The following MED12L variants were observed in gnomAD, a reference collection of about 807,000 sequenced individuals.
The protein encoded by MED12L is mediator complex subunit 12L, also known as mediator of RNA polymerase II transcription subunit 12-like protein.
MED12L carries 60 observed loss-of-function variants against 281.3 expected under a neutral mutation model. That is an observed-to-expected ratio of 0.21 (90% CI 0.17 to 0.26). The LOEUF (loss-of-function observed/expected upper bound fraction) is 0.26. Ranked by LOEUF, MED12L falls within the 10% of genes least tolerant of loss-of-function variation. MED12L has a pLI of 1.00. For synonymous variants in MED12L, 974 were observed against 987.2 expected, an observed-to-expected ratio of 0.99 and a Z score of 0.25; for missense variants, 2,146 against 2,680.9, an observed-to-expected ratio of 0.80 and a Z score of 4.41.
intron 36 of MED12L, among the ~76,000 whole-genome samples, 165 bp downstream of exon 36, chr3:151,385,356 A>G (rs533234881): frequency 3.9e-5 from 6 of 152,298 alleles, no homozygotes; most frequent in African/African-American, 1.4e-4. Flanking sequence ...TATCATATAA[A>G]GAGGTCATAT....
rs1748814699 is a variant in MED12L, at chr3:151,320,081, C to T, written c.2251-29978C>T. Among the ~76,000 whole-genome samples, 4 of 152,266 alleles carry T rather than the reference C, an allele frequency of 2.6e-5. No individual in the cohort carries two copies. In the South Asian group the frequency reaches 8.3e-4, roughly 32 times the overall value. On this transcript the variant is annotated intron_variant, in intron 16 of 44. Coordinates refer to ENST00000687756, the MANE Select transcript of MED12L (RefSeq NM_001393769.1). The stretch of plus-strand genomic sequence containing the variant: ...CTTACCTTGGTTTCTAGTGGTTTCT[C>T]CATGGCATATGACTTTTTCCTCCCT...
intron 5 of MED12L, among the ~76,000 whole-genome samples, chr3:151,141,187 GT>G (rs76965310): frequency 4.0e-4 from 40 of 99,086 alleles, no homozygotes; most frequent in Admixed American, 5.4e-4. Context: ...TGTTTTTTTT[GT>G]TTTTTTTTTT....
At chr3:151,230,355 G>C (rs1472266943) in intron 16 of MED12L, among the ~76,000 whole-genome samples, 1 of 152,214 alleles carries the variant, frequency 6.6e-6, no homozygotes. Flanking sequence ...TTCAATAGAA[G>C]TCAGTCAAGT....
intron 16 of MED12L, among the ~76,000 whole-genome samples, chr3:151,259,911 T>C (rs923620574): frequency 4.6e-5 from 7 of 152,258 alleles, no homozygotes; most frequent in African/African-American, 1.7e-4. Context: ...CTTTCTGTAA[T>C]CCTTGTATTT....
intron 36 of MED12L, among the ~76,000 whole-genome samples, chr3:151,385,825 G>T (rs1338373073): frequency 1.3e-5 from 2 of 151,956 alleles, no homozygotes; most frequent in African/African-American, 4.8e-5. Context: ...ATGGACATTT[G>T]TTTTATATAA....
rs1403725845 is a variant in MED12L at position 151,276,049 on chromosome 3, T to C, written c.2251-74010T>C. Among the ~76,000 whole-genome samples, 5 of 152,188 alleles carry C rather than the reference T, an allele frequency of 3.3e-5. No individual in the cohort carries two copies. The South Asian group carries it at 1.0e-3, about 32-fold the overall frequency. On this transcript the variant is annotated intron_variant, in intron 16 of 44. Coordinates refer to ENST00000687756, the MANE Select transcript of MED12L (RefSeq NM_001393769.1). ...TGATCATATTGATGATCATAATTAA[T>C]TTATTATACAATCAAGGACACTTTT...
At chr3:151,396,517 T>C (rs1714992583) in intron 39 of MED12L, among the ~76,000 whole-genome samples, 2 of 152,120 alleles carry the variant, frequency 1.3e-5, no homozygotes, top group Admixed American at 6.5e-5. Context: ...TCCCAGCTAC[T>C]TGGGAGGCTG....
At chr3:151,181,443 G>C (rs1172891178) in intron 11 of MED12L, among the ~76,000 whole-genome samples, 1 of 151,088 alleles carries the variant, frequency 6.6e-6, no homozygotes, top group Non-Finnish European at 1.5e-5. Context: ...AAGACACAGG[G>C]TCTGGCTCTG....
intron 25 of MED12L, 31 bp downstream of exon 25, chr3:151,368,282 T>G: frequency 1.9e-6 from 3 of 1,561,536 alleles, no homozygotes; most frequent in Non-Finnish European, 2.6e-6. Context: ...TCTGATTACC[T>G]TTTCATTGGT....
At chr3:151,321,469 A>G (rs1269262464) in intron 16 of MED12L, among the ~76,000 whole-genome samples, 1 of 152,208 alleles carries the variant, frequency 6.6e-6, no homozygotes, top group East Asian at 1.9e-4. Flanking sequence ...CAGTGACATT[A>G]TGTGTATATA....
intron 4 of MED12L, among the ~76,000 whole-genome samples, chr3:151,125,269 T>C (rs936130152): frequency 1.3e-5 from 2 of 152,242 alleles, no homozygotes; most frequent in Non-Finnish European, 2.9e-5. Context: ...GTCTGCTTTC[T>C]TAATTGAGTA....
chr3:151,417,865 T>C (rs1717799683), intron 43 of MED12L, among the ~76,000 whole-genome samples: 1 of 152,210 alleles, frequency 6.6e-6, no homozygotes, highest in Non-Finnish European at 1.5e-5. Flanking sequence ...TTTACTGCAA[T>C]CTACTTCAGA....
intron 9 of MED12L, among the ~76,000 whole-genome samples, chr3:151,164,308 A>G (rs797006187): frequency 1.3e-4 from 20 of 152,178 alleles, no homozygotes; most frequent in African/African-American, 4.6e-4. Flanking sequence ...TGGTGGTTCT[A>G]ATACATGACC....
rs1753016982 is a variant in MED12L at position 151,349,959 on chromosome 3, A to C, written c.2251-100A>C. ...AGGGAGGGCGGGATGCCACCACCGCAAGCCAGCATGGAGGTGCTGTGGTCA... is the reference window on the plus strand; with the variant it reads ...AGGGAGGGCGGGATGCCACCACCGCCAGCCAGCATGGAGGTGCTGTGGTCA... On this transcript the variant is annotated intron_variant, in intron 16 of 44. Coordinates refer to ENST00000687756, the MANE Select transcript of MED12L (RefSeq NM_001393769.1). 5.4e-6 allele frequency: 6 copies of C among 1,104,850 alleles called. No individual in the cohort carries two copies. The East Asian group carries it at 1.4e-4, about 25-fold the overall frequency. 68.4% of individuals were successfully genotyped at this position (1,104,850 alleles called of 1,614,324 possible).
chr3:151,112,983 C>G (rs1052745512), intron 2 of MED12L, among the ~76,000 whole-genome samples: 1 of 152,162 alleles, frequency 6.6e-6, no homozygotes, highest in African/African-American at 2.4e-5. Flanking sequence ...CGTTTGTCAA[C>G]AAAATAAAGA....
intron 16 of MED12L, among the ~76,000 whole-genome samples, chr3:151,331,512 T>G (rs1224282872): frequency 6.6e-6 from 1 of 152,214 alleles, no homozygotes; most frequent in African/African-American, 2.4e-5. Flanking sequence ...TCACCAGTGC[T>G]TAGAATAATG....
chr3:151,109,376 C>T (rs1711526658), intron 2 of MED12L, among the ~76,000 whole-genome samples: 1 of 152,190 alleles, frequency 6.6e-6, no homozygotes, highest in Non-Finnish European at 1.5e-5. Context: ...GTGTAGAATA[C>T]AAAAATACAG....
intron 2 of MED12L, among the ~76,000 whole-genome samples, chr3:151,104,667 G>C (rs541596391): frequency 1.1e-4 from 16 of 152,294 alleles, no homozygotes; most frequent in African/African-American, 3.4e-4. Flanking sequence ...CTGCTGTAAT[G>C]AAGTACCAAA....
At chr3:151,295,330 G>T in intron 16 of MED12L, 1 of 654,880 alleles carries the variant, frequency 1.5e-6, no homozygotes, top group Non-Finnish European at 2.7e-6. Context: ...TGTCATCAAT[G>T]ATTTACAGAG....
Sources: gnomAD v4.1 joint callset for allele counts (sites outside exome capture counted in the v4.1 genomes callset) on GRCh38, gnomAD v4.1.1 for gene constraint, MANE v1.5 for transcripts, NCBI Gene and HGNC (gene_info 2026-07-23, HGNC 2026-07-21) for gene names.